PCDH9: variants seen among roughly 807,000 people sequenced by gnomAD.
PCDH9 encodes protocadherin-9.
PCDH9 carries 24 observed loss-of-function variants against 70.6 expected under a neutral mutation model. The ratio of observed to expected loss-of-function variants is 0.34; its 90% CI spans 0.25 to 0.48. The LOEUF is 0.48. Ranked by LOEUF, PCDH9 falls within the 20% of genes least tolerant of loss-of-function variation. The pLI, the probability that PCDH9 is intolerant of heterozygous loss-of-function variation, is 0.99. For synonymous variants in PCDH9, 562 were observed against 558.5 expected, an observed-to-expected ratio of 1.01 and a Z score of -0.09; for missense variants, 1,281 against 1,503.6, an observed-to-expected ratio of 0.85 and a Z score of 2.45.
intron 4 of PCDH9, among the ~76,000 whole-genome samples, chr13:66,451,966 T>G (rs1215735449): frequency 2.6e-5 from 4 of 152,208 alleles, no homozygotes; most frequent in African/African-American, 9.6e-5. Context: ...TGCTTGCTTG[T>G]TTTTAAATCC....
intron 2 of PCDH9, among the ~76,000 whole-genome samples, chr13:66,919,271 TG>T (rs1170851896): frequency 2.6e-5 from 4 of 151,314 alleles, no homozygotes. Context: ...AAATATTTTT[TG>T]CTAAATATTT....
intron 4 of PCDH9, among the ~76,000 whole-genome samples, chr13:66,474,827 T>G (rs1426930848): frequency 2.0e-5 from 3 of 151,962 alleles, no homozygotes; most frequent in Admixed American, 1.3e-4. Flanking sequence ...AATTCCAGAG[T>G]TCTTAAATTT....
At chr13:66,869,194 G>A (rs1423408283) in intron 3 of PCDH9, among the ~76,000 whole-genome samples, 1 of 152,120 alleles carries the variant, frequency 6.6e-6, no homozygotes. Flanking sequence ...TGGGACACTT[G>A]AAGAGGTGAT....
chr13:66,329,708 A>AG (rs763627896), intron 4 of PCDH9, among the ~76,000 whole-genome samples: 28 of 152,200 alleles, frequency 1.8e-4, no homozygotes, highest in Admixed American at 3.3e-4. Flanking sequence ...CTCTTAATAG[A>AG]CTAATGTGTG....
At chr13:66,731,619 G>A (rs1337374566) in intron 3 of PCDH9, among the ~76,000 whole-genome samples, 1 of 151,960 alleles carries the variant, frequency 6.6e-6, no homozygotes, top group Non-Finnish European at 1.5e-5. Context: ...CTCTTGCATG[G>A]AAAGAAAAAG....
At chr13:66,492,906 G>C (rs1490890401) in intron 4 of PCDH9, among the ~76,000 whole-genome samples, 1 of 152,194 alleles carries the variant, frequency 6.6e-6, no homozygotes, top group Non-Finnish European at 1.5e-5. Context: ...GCAAGCTGGA[G>C]CTAAGTGCGA....
chr13:66,633,262 A>G (rs937925476), intron 3 of PCDH9, among the ~76,000 whole-genome samples: 2 of 152,214 alleles, frequency 1.3e-5, no homozygotes, highest in Non-Finnish European at 2.9e-5. Context: ...CTTCATGCAC[A>G]TGTATCTCAA....
intron 4 of PCDH9, among the ~76,000 whole-genome samples, chr13:66,606,000 G>T (rs939870956): frequency 6.6e-6 from 1 of 152,074 alleles, no homozygotes; most frequent in East Asian, 1.9e-4. Flanking sequence ...TAGTGACATA[G>T]AAATCATGGG....
At position 67,211,726 on chromosome 13, in the gene PCDH9, T is replaced by C. The variant is rs568014499; in HGVS notation, c.3036+13679A>G. The C allele has an allele frequency of 8.5e-5, 13 of 152,224 alleles. No homozygotes were observed. In the South Asian group the frequency reaches 2.7e-3, roughly 32 times the overall value. The allele number at this position is 152,224 out of a possible 1,614,324, so 9.4% of individuals were successfully genotyped here. On this transcript the variant is annotated intron_variant, in intron 2 of 4. Transcript: ENST00000377865. ...TGTTTTCAACGTTTATATCATTGCA[T>C]TGGTTCCTTGAAGTACTGTGATAAA...
chr13:67,119,600 T>A (rs928005), intron 2 of PCDH9, among the ~76,000 whole-genome samples: 150,594 of 152,240 alleles, frequency 0.99, 74,502 homozygotes, highest in Middle Eastern at 1. Flanking sequence ...AGGATGTATG[T>A]GTGACTTACA....
intron 4 of PCDH9, among the ~76,000 whole-genome samples, chr13:66,445,603 CAT>C (rs545754127): frequency 0.012 from 1,635 of 139,982 alleles, 48 homozygotes; most frequent in African/African-American, 0.042. Context: ...ATTATATACA[CAT>C]ATATATTATA....
chr13:66,620,175 A>T (rs1289079281), intron 4 of PCDH9, among the ~76,000 whole-genome samples: 2 of 152,186 alleles, frequency 1.3e-5, no homozygotes, highest in African/African-American at 4.8e-5. Context: ...CAAAATTCAA[A>T]ATCTGGGCCC....
chr13:66,397,875 G>T (rs1017206536), intron 4 of PCDH9, among the ~76,000 whole-genome samples: 6 of 151,682 alleles, frequency 4.0e-5, no homozygotes, highest in African/African-American at 1.5e-4. Context: ...AACTGTTATT[G>T]CCCATAACAA....
chr13:66,686,011 T>C (rs768005088), intron 3 of PCDH9, among the ~76,000 whole-genome samples: 2 of 152,168 alleles, frequency 1.3e-5, no homozygotes, highest in Non-Finnish European at 2.9e-5. Flanking sequence ...TTTGGGTTAA[T>C]GGTGGAATGC....
intron 2 of PCDH9, among the ~76,000 whole-genome samples, chr13:67,008,538 C>G (rs538614059): frequency 1.3e-5 from 2 of 152,106 alleles, no homozygotes; most frequent in African/African-American, 4.8e-5. Flanking sequence ...CATAGATATC[C>G]CTCAGTGATA....
chr13:66,671,390 G>T (rs1432569248), intron 3 of PCDH9, among the ~76,000 whole-genome samples: 1 of 152,192 alleles, frequency 6.6e-6, no homozygotes, highest in Non-Finnish European at 1.5e-5. Context: ...GAACAGTTTG[G>T]AAAGATCAGA....
At chr13:66,426,199 T>G (rs1044863910) in intron 4 of PCDH9, among the ~76,000 whole-genome samples, 10 of 151,326 alleles carry the variant, frequency 6.6e-5, no homozygotes, top group African/African-American at 2.4e-4. Flanking sequence ...TTTTTCTCTC[T>G]ATTGAACTCA....
chr13:66,729,186 C>G (rs925825075), intron 3 of PCDH9, among the ~76,000 whole-genome samples: 3 of 152,030 alleles, frequency 2.0e-5, no homozygotes, highest in Non-Finnish European at 4.4e-5. Flanking sequence ...TCTTGTGTTT[C>G]TTTGGTGAGT....
intron 3 of PCDH9, among the ~76,000 whole-genome samples, chr13:66,780,417 A>G (rs1356407627): frequency 6.6e-6 from 1 of 152,190 alleles, no homozygotes; most frequent in Non-Finnish European, 1.5e-5. Context: ...CAAGCAACCC[A>G]GGTGCAAATG....
Sources: allele counts gnomAD v4.1 joint callset (sites outside exome capture counted in the v4.1 genomes callset), GRCh38; gene constraint gnomAD v4.1.1; transcripts MANE v1.5; gene names NCBI Gene and HGNC (gene_info 2026-07-23, HGNC 2026-07-21).